The following ROBO1 variants were observed in gnomAD, a reference collection of about 807,000 sequenced individuals.
The protein encoded by ROBO1 is roundabout guidance receptor 1.
Under a neutral mutation model 195.9 loss-of-function variants are expected in ROBO1, and 149 were observed. The ratio of observed to expected loss-of-function variants is 0.76; its 90% confidence interval spans 0.67 to 0.87. The LOEUF (loss-of-function observed/expected upper bound fraction) is 0.87, where lower values mean the gene tolerates loss of function less well. Ranked by LOEUF, ROBO1 falls within the 40% of genes least tolerant of loss-of-function variation. ROBO1 has a pLI of 0.00. For missense variants in ROBO1, 1,933 were observed against 2,068.3 expected (o/e 0.93, Z 1.27); for synonymous variants, 816 against 733.2 (o/e 1.11, Z -1.82).
intron 2 of ROBO1, among the ~76,000 whole-genome samples, chr3:79,201,092 C>T (rs1029781633): frequency 2.6e-5 from 4 of 151,918 alleles, no homozygotes; most frequent in Admixed American, 2.0e-4. Flanking sequence ...ACTTATTCTT[C>T]TCATCCTCAT....
chr3:78,683,369 T>G (rs2080976546), intron 10 of ROBO1, among the ~76,000 whole-genome samples: 1 of 152,084 alleles, frequency 6.6e-6, no homozygotes, highest in African/African-American at 2.4e-5. Flanking sequence ...TATTCAGATT[T>G]TTTTGTTTGT....
At chr3:79,329,534 T>C (rs1488611455) in intron 2 of ROBO1, among the ~76,000 whole-genome samples, 1 of 152,220 alleles carries the variant, frequency 6.6e-6, no homozygotes, top group South Asian at 2.1e-4. Context: ...TTTCAAAATA[T>C]GTCAGCTCTG....
chr3:79,730,254 TGAAG>T (rs982290013), intron 1 of ROBO1, among the ~76,000 whole-genome samples: 2 of 152,132 alleles, frequency 1.3e-5, no homozygotes, highest in African/African-American at 2.4e-5. Context: ...AGTCCCTAAA[TGAAG>T]GGAGGGGAGA....
chr3:78,764,152 C>A (rs1193277171), intron 4 of ROBO1, among the ~76,000 whole-genome samples: 2 of 152,028 alleles, frequency 1.3e-5, no homozygotes, highest in Admixed American at 6.6e-5. Context: ...ACTGTGGAGA[C>A]ATGAGAGAGA....
rs145972768 is a variant in ROBO1 at position 79,361,929 on chromosome 3, A to T, written c.88+227895T>A. ...ATAATTTTTCTCAAGCAAGTTTTCC[A>T]AGGTAGTAGCGTCCAAAGGCAGCTT... On this transcript the variant is annotated intron_variant, in intron 2 of 30. Coordinates refer to ENST00000464233, the MANE Select transcript of ROBO1 (RefSeq NM_002941.4). Among the ~76,000 whole-genome samples the T allele has an allele frequency of 3.9e-3, 593 of 152,206 alleles. 2 individuals are homozygous for T. Among genetic ancestry groups the T allele is most frequent in the African/African-American group, 0.014 (565 of 41,564 alleles).
intron 2 of ROBO1, among the ~76,000 whole-genome samples, chr3:79,517,512 GATTCT>G (rs1941002755): frequency 6.6e-6 from 1 of 152,048 alleles, no homozygotes; most frequent in Non-Finnish European, 1.5e-5. Context: ...ATTTATTCTT[GATTCT>G]TTTCTTATTT....
chr3:78,708,162 T>C (rs2081597478), intron 8 of ROBO1, among the ~76,000 whole-genome samples: 1 of 152,150 alleles, frequency 6.6e-6, no homozygotes, highest in South Asian at 2.1e-4. Context: ...GTTTAAGCAA[T>C]GAGTATCATT....
intron 8 of ROBO1, among the ~76,000 whole-genome samples, chr3:78,693,789 A>C (rs2107876636): frequency 6.6e-6 from 1 of 152,332 alleles, no homozygotes; most frequent in East Asian, 1.9e-4. Flanking sequence ...CCACAACTCC[A>C]TCATCAGTTC....
chr3:79,569,199 G>C (rs1435980749), intron 2 of ROBO1, among the ~76,000 whole-genome samples: 1 of 152,068 alleles, frequency 6.6e-6, no homozygotes, highest in East Asian at 1.9e-4. Context: ...GATTTCTCTC[G>C]CTGACAATTT....
intron 4 of ROBO1, among the ~76,000 whole-genome samples, chr3:78,824,452 T>C (rs2031382236): frequency 6.6e-6 from 1 of 152,202 alleles, no homozygotes; most frequent in South Asian, 2.1e-4. Context: ...TCAAGGCTGA[T>C]TGTAAAACTT....
chr3:78,929,904 G>T (rs2039418630), intron 4 of ROBO1, among the ~76,000 whole-genome samples: 1 of 151,974 alleles, frequency 6.6e-6, no homozygotes, highest in Non-Finnish European at 1.5e-5. Context: ...TGCACGGAAG[G>T]GTCACTACAC....
chr3:79,726,482 AAATAATC>A (rs1702931661), intron 1 of ROBO1, among the ~76,000 whole-genome samples: 1 of 152,220 alleles, frequency 6.6e-6, no homozygotes, highest in South Asian at 2.1e-4. Context: ...TGATGTTGAA[AAATAATC>A]ATGGGGCAGC....
intron 4 of ROBO1, among the ~76,000 whole-genome samples, chr3:78,910,570 GA>G (rs2038183235): frequency 6.6e-6 from 1 of 151,888 alleles, no homozygotes; most frequent in South Asian, 2.1e-4. Flanking sequence ...CAATCTTGTA[GA>G]AAACTCCAAA....
intron 9 of ROBO1, among the ~76,000 whole-genome samples, chr3:78,686,413 G>A (rs962577617): frequency 5.9e-5 from 9 of 151,786 alleles, no homozygotes; most frequent in African/African-American, 7.3e-5. Context: ...AAAATTAGCC[G>A]GGCGTGGTGG....
rs2080241815 is a variant in ROBO1, at chr3:79,127,660, T to C, written c.89-2121A>G. On this transcript the variant is annotated intron_variant, in intron 2 of 30. Coordinates refer to ENST00000464233, the MANE Select transcript of ROBO1 (RefSeq NM_002941.4). ...TTGGGATGAGGTTTGTGTACTTTTG[T>C]TATTGAATTCTTCCTGAGAATGGGG... 2.0e-5 allele frequency among the ~76,000 whole-genome samples: 3 copies of C among 152,230 alleles called. No homozygotes were observed. The South Asian group carries it at 6.2e-4, about 31-fold the overall frequency.
At position 78,646,172 on chromosome 3, in the gene ROBO1, C is replaced by T; in HGVS notation, c.2858G>A (p.Gly953Asp). 1 of 1,606,890 alleles carries T rather than the reference C, an allele frequency of 6.2e-7. No individual in the cohort carries two copies. The highest frequency in any genetic ancestry group is 1.1e-5 in the South Asian group (1 of 90,428). Reference protein sequence around the residue: ...FTPTVTYQRGGEAVSSGGRPG... With the variant: ...FTPTVTYQRGDEAVSSGGRPG... The stretch of plus-strand genomic sequence containing the variant: ...CCTCCCTCCACTGCTGACAGCTTCG[C>T]CTCCTCTCTGGTAAGTTACTAGAAT... Residue 953 changes from glycine to aspartate, a missense_variant, in exon 21 of 31, where the codon GGC becomes GAC. This residue lies in a region of ROBO1 where 1,737 missense variants were observed against 1,882.5 expected (regional missense o/e 0.92). Coordinates refer to ENST00000464233, the MANE Select transcript of ROBO1 (RefSeq NM_002941.4).
intron 1 of ROBO1, among the ~76,000 whole-genome samples, chr3:79,623,138 A>ACAG (rs767270153): frequency 1.3e-5 from 2 of 149,530 alleles, no homozygotes; most frequent in Non-Finnish European, 1.5e-5. Flanking sequence ...AATGGCATCA[A>ACAG]CAACAACAAC....
intron 2 of ROBO1, among the ~76,000 whole-genome samples, chr3:79,280,394 T>C (rs1401493736): frequency 6.6e-6 from 1 of 152,092 alleles, no homozygotes; most frequent in Non-Finnish European, 1.5e-5. Context: ...AGTATGAAGG[T>C]TTACGTTGTA....
intron 28 of ROBO1, among the ~76,000 whole-genome samples, chr3:78,609,304 A>T (rs1408868578): frequency 2.6e-5 from 4 of 152,144 alleles, no homozygotes; most frequent in Non-Finnish European, 5.9e-5. Flanking sequence ...GACTATGCAG[A>T]GGTAATGGGC....
Sources: allele counts gnomAD v4.1 joint callset (sites outside exome capture counted in the v4.1 genomes callset), GRCh38; gene constraint gnomAD v4.1.1; regional missense constraint gnomAD v4.1.1; transcripts MANE v1.5; gene names NCBI Gene and HGNC (gene_info 2026-07-23, HGNC 2026-07-21).